Variants in BMP2K observed in about 807,000 individuals in gnomAD.
The protein encoded by BMP2K is BMP-2-inducible protein kinase.
BMP2K carries 74 observed loss-of-function variants against 116.0 expected under a neutral mutation model. The ratio of observed to expected loss-of-function variants is 0.64; its 90% CI spans 0.53 to 0.77. The LOEUF is 0.77. Ranked by LOEUF, BMP2K falls within the 30% of genes least tolerant of loss-of-function variation. The probability of loss-of-function intolerance (pLI) is 0.00; values close to 1 mark genes in which losing one functional copy is unlikely to be tolerated. For synonymous variants in BMP2K, 486 were observed against 502.5 expected (o/e 0.97, Z 0.44); for missense variants, 1,365 against 1,403.6 (o/e 0.97, Z 0.44).
intron 14 of BMP2K, among the ~76,000 whole-genome samples, chr4:78,885,336 C>T (rs963696613): frequency 6.6e-6 from 1 of 152,072 alleles, no homozygotes; most frequent in African/African-American, 2.4e-5. Flanking sequence ...GACTCTAGGG[C>T]CTTGTTTATT....
intron 15 of BMP2K, among the ~76,000 whole-genome samples, chr4:78,895,602 A>G (rs908231571): frequency 5.9e-5 from 9 of 152,168 alleles, no homozygotes; most frequent in African/African-American, 2.2e-4. Flanking sequence ...GACTTGGGAA[A>G]AAATAAGAAG....
In BMP2K at chr4:78,823,611, G is replaced by GGT. The variant is rs200561243; in HGVS notation, c.179-2423_179-2422dup. On this transcript the variant is annotated intron_variant, in intron 1 of 15. Coordinates refer to ENST00000502613, the MANE Select transcript of BMP2K (RefSeq NM_198892.2). Reference sequence around the variant, plus strand: ...AGGTATATATGTAGGTATATATATAGGTGTATATATATATATAGTTATATA... The same window carrying GGT: ...AGGTATATATGTAGGTATATATATAGGTGTGTATATATATATATAGTTATATA... Among the ~76,000 whole-genome samples, 326 of 146,824 alleles carry GGT rather than the reference G, an allele frequency of 2.2e-3. 1 individual carries two copies. The highest frequency in any genetic ancestry group is 7.5e-3 in the African/African-American group (302 of 40,102).
At chr4:78,862,759 T>TA (rs1441857151) in intron 9 of BMP2K, among the ~76,000 whole-genome samples, 1 of 152,140 alleles carries the variant, frequency 6.6e-6, no homozygotes, top group Non-Finnish European at 1.5e-5. Flanking sequence ...AAAATGGTGT[T>TA]ACTTTAAAAA....
At chr4:78,793,635 A>T (rs1185017636) in intron 1 of BMP2K, among the ~76,000 whole-genome samples, 1 of 152,104 alleles carries the variant, frequency 6.6e-6, no homozygotes, top group African/African-American at 2.4e-5. Flanking sequence ...ATAGTGTAAT[A>T]AAACAGTCCG....
At chr4:78,884,295 C>G (rs543363598) in intron 14 of BMP2K, among the ~76,000 whole-genome samples, 4 of 152,100 alleles carry the variant, frequency 2.6e-5, no homozygotes, top group Non-Finnish European at 5.9e-5. Flanking sequence ...CCACTGCGCT[C>G]TAGGTTGGGT....
At chr4:78,778,928 A>AT (rs1377388339) in intron 1 of BMP2K, among the ~76,000 whole-genome samples, 1 of 152,162 alleles carries the variant, frequency 6.6e-6, no homozygotes, top group Non-Finnish European at 1.5e-5. Context: ...GACTTGGTAG[A>AT]TTTTGCATTT....
chr4:78,899,868 A>T (rs2110092728), intron 15 of BMP2K, among the ~76,000 whole-genome samples: 1 of 152,334 alleles, frequency 6.6e-6, no homozygotes, highest in African/African-American at 2.4e-5. Context: ...TATTCTTTCC[A>T]AGAGTCCAGC....
intron 14 of BMP2K, among the ~76,000 whole-genome samples, chr4:78,884,244 T>C (rs913520731): frequency 2.3e-4 from 35 of 151,998 alleles, no homozygotes; most frequent in Admixed American, 1.8e-3. Flanking sequence ...GGAGGATCGC[T>C]TGAACCTGAG....
chr4:78,797,757 T>C (rs537071165), intron 1 of BMP2K, among the ~76,000 whole-genome samples: 87 of 152,330 alleles, frequency 5.7e-4, no homozygotes, highest in African/African-American at 2.0e-3. Flanking sequence ...TGGGTTGACC[T>C]TTCAGCAATG....
chr4:78,904,558 G>T (rs1478794744), intron 15 of BMP2K, among the ~76,000 whole-genome samples: 1 of 151,886 alleles, frequency 6.6e-6, no homozygotes, highest in Non-Finnish European at 1.5e-5. Flanking sequence ...ACCCAGATCT[G>T]CATTGTCTTA....
chr4:78,827,786 A>AAAAC lies in BMP2K; in HGVS notation c.297+1634_297+1635insCAAA, dbSNP rs1432005517. Among the ~76,000 whole-genome samples the AAAAC allele has an allele frequency of 1.6e-4, 22 of 134,106 alleles. No individual in the cohort carries two copies. In the East Asian group the frequency reaches 5.4e-3, roughly 33 times the overall value. 88.0% of individuals were successfully genotyped at this position (134,106 alleles called of 152,430 possible). On this transcript the variant is annotated intron_variant, in intron 2 of 15. Transcript: ENST00000502613. The stretch of plus-strand genomic sequence containing the variant: ...AAAACAAAACAAAACAAAACAAAAC[A>AAAAC]AAAAAACTGCATGCAATTCAGCCCA...
intron 15 of BMP2K, among the ~76,000 whole-genome samples, chr4:78,896,952 G>A (rs1470907901): frequency 6.6e-6 from 1 of 152,014 alleles, no homozygotes; most frequent in Non-Finnish European, 1.5e-5. Flanking sequence ...TGCTCCCACT[G>A]GAAGTTTTCA....
In BMP2K at chr4:78,911,526, T is replaced by C; in HGVS notation, c.2979T>C (p.Asn993=). The C allele has an allele frequency of 1.2e-6, 2 of 1,613,954 alleles. No homozygotes were observed. The highest frequency in any genetic ancestry group is 2.2e-5 in the East Asian group (1 of 44,864). Residue 993 remains asparagine, a synonymous_variant, in exon 16 of 16, where the codon AAT becomes AAC. Transcript: ENST00000502613. ...CAAAGCAGGATATGTCCAAAAGTAA[T>C]GGGAAGCGGCATCATGGCACGCCAA... is the stretch of plus-strand genomic sequence containing the variant. ...RRTKQDMSKS[N]GKRHHGTPTS... is the part of the protein sequence containing the mutation.
intron 1 of BMP2K, among the ~76,000 whole-genome samples, chr4:78,810,681 T>C (rs1483473160): frequency 6.6e-6 from 1 of 152,160 alleles, no homozygotes; most frequent in Non-Finnish European, 1.5e-5. Flanking sequence ...GCTAGGTTGG[T>C]AGTTTTCACA....
intron 14 of BMP2K, among the ~76,000 whole-genome samples, chr4:78,886,229 C>T (rs548528641): frequency 5.9e-5 from 9 of 152,218 alleles, no homozygotes; most frequent in African/African-American, 2.2e-4. Flanking sequence ...CAACTCAAAA[C>T]ACACCGGGCC....
intron 1 of BMP2K, among the ~76,000 whole-genome samples, chr4:78,811,613 A>G (rs999312862): frequency 1.3e-5 from 2 of 152,206 alleles, no homozygotes; most frequent in Non-Finnish European, 2.9e-5. Context: ...AAATTGATGT[A>G]TATGTGTGTA....
chr4:78,914,960 G>A lies in BMP2K; in HGVS notation c.*2927G>A, dbSNP rs545215876. 1.2e-4 allele frequency: 18 copies of A among 151,858 alleles called. No homozygotes were observed. The highest frequency in any genetic ancestry group is 5.2e-4 in the Admixed American group (8 of 15,242). 9.4% of individuals were successfully genotyped at this position (151,858 alleles called of 1,614,324 possible). A position where few individuals can be genotyped will look rare whatever the true frequency, so the allele number is the denominator to read the frequency against. On this transcript the variant is annotated 3_prime_UTR_variant, in exon 16 of 16. Transcript: ENST00000502613. ...GACCATTTGCTTATTTTAATATCAC[G>A]TCAGTAAAATGTTAGTATTAAAAAG... is the stretch of plus-strand genomic sequence containing the variant.
At chr4:78,809,974 C>T (rs1451137826) in intron 1 of BMP2K, among the ~76,000 whole-genome samples, 1 of 152,090 alleles carries the variant, frequency 6.6e-6, no homozygotes, top group Non-Finnish European at 1.5e-5. Context: ...TGTAATGTGG[C>T]AACTCTGGAA....
chr4:78,810,321 A>AC (rs1337213130), intron 1 of BMP2K, among the ~76,000 whole-genome samples: 10 of 152,122 alleles, frequency 6.6e-5, no homozygotes, highest in Non-Finnish European at 1.5e-4. Context: ...TGCACACTCT[A>AC]CCATACATGT....
Sources: allele counts gnomAD v4.1 joint callset (sites outside exome capture counted in the v4.1 genomes callset), GRCh38; gene constraint gnomAD v4.1.1; transcripts MANE v1.5; gene names NCBI Gene and HGNC (gene_info 2026-07-23, HGNC 2026-07-21).